KMT2E: variants seen among roughly 807,000 people sequenced by gnomAD.
The protein encoded by KMT2E is histone reader KMT2E.
In KMT2E, 30 loss-of-function variants were observed where a neutral mutation model predicts 184.6. That is an observed-to-expected ratio of 0.16 (90% confidence interval 0.12 to 0.22). KMT2E has a LOEUF of 0.22. Among genes scored for constraint, KMT2E ranks in the 10% least tolerant of loss-of-function variants. The probability of loss-of-function intolerance (pLI) is 1.00; values close to 1 mark genes in which losing one functional copy is unlikely to be tolerated. For missense variants in KMT2E, 2,023 were observed against 2,237.4 expected, an observed-to-expected ratio of 0.90 and a Z score of 1.93; for synonymous variants, 815 against 776.5, an observed-to-expected ratio of 1.05 and a Z score of -0.82.
At chr7:105,061,954 T>A (rs944974556) in intron 3 of KMT2E, 3 of 382,764 alleles carry the variant, frequency 7.8e-6, no homozygotes, top group African/African-American at 6.2e-5. Flanking sequence ...TGAAATTGGA[T>A]TGGGACATTT....
At chr7:105,014,941 A>G (rs969400637) in intron 1 of KMT2E, among the ~76,000 whole-genome samples, 107 of 152,224 alleles carry the variant, frequency 7.0e-4, no homozygotes, top group African/African-American at 2.4e-3. Flanking sequence ...CGTCTTGTTC[A>G]GGTGCTGAAA....
intron 1 of KMT2E, among the ~76,000 whole-genome samples, chr7:105,021,456 T>G (rs903514031): frequency 1.3e-5 from 2 of 152,226 alleles, no homozygotes; most frequent in African/African-American, 4.8e-5. Flanking sequence ...GCCTGCTGTT[T>G]TAGAGTTTTT....
intron 13 of KMT2E, among the ~76,000 whole-genome samples, chr7:105,086,286 C>G (rs1048400297): frequency 8.5e-5 from 13 of 152,140 alleles, no homozygotes; most frequent in Admixed American, 7.9e-4. Flanking sequence ...CATGTTCTCT[C>G]CATGGTAGGG....
At chr7:105,075,171 T>G (rs1187063126) in intron 8 of KMT2E, among the ~76,000 whole-genome samples, 1 of 151,662 alleles carries the variant, frequency 6.6e-6, no homozygotes, top group Non-Finnish European at 1.5e-5. Flanking sequence ...ATGTTTTACA[T>G]AACGGTTCTT....
At chr7:105,110,235 C>T in intron 23 of KMT2E, 45 bp from the exon 24 acceptor site, 1 of 1,421,882 alleles carries the variant, frequency 7.0e-7, no homozygotes, top group Non-Finnish European at 9.9e-7. Flanking sequence ...ATGTAACTAG[C>T]AGTAGTTTCT....
At chr7:105,080,252 T>C (rs1444904123) in intron 12 of KMT2E, among the ~76,000 whole-genome samples, 1 of 152,242 alleles carries the variant, frequency 6.6e-6, no homozygotes, top group African/African-American at 2.4e-5. Context: ...AGATTTTGTA[T>C]GTTCTACTGT....
rs145079476 is a variant in KMT2E at position 105,089,866 on chromosome 7, A to G, written c.1359-143A>G. On this transcript the variant is annotated intron_variant, in intron 13 of 26. Coordinates refer to ENST00000311117, the MANE Select transcript of KMT2E (RefSeq NM_182931.3). ...AAAAAATTTTTTGTGGTAGTTAACT[A>G]GGAATGTAAATTACTAAAAAGGATT... The G allele has an allele frequency of 7.5e-6, 9 of 1,206,922 alleles. No homozygotes were observed. The Admixed American group carries it at 2.3e-4, about 30-fold the overall frequency. 74.8% of individuals were successfully genotyped at this position (1,206,922 alleles called of 1,614,324 possible). A position where few individuals can be genotyped will look rare whatever the true frequency, so the allele number is the denominator to read the frequency against.
At chr7:105,048,402 A>G (rs952790441) in intron 3 of KMT2E, among the ~76,000 whole-genome samples, 1 of 152,106 alleles carries the variant, frequency 6.6e-6, no homozygotes, top group South Asian at 2.1e-4. Context: ...GAAGGATTAA[A>G]TACTGAGTTT....
At chr7:105,050,485 T>C (rs923668964) in intron 3 of KMT2E, among the ~76,000 whole-genome samples, 2 of 152,150 alleles carry the variant, frequency 1.3e-5, no homozygotes, top group African/African-American at 4.8e-5. Context: ...CCTCAATTTT[T>C]TATGTCCAGT....
At chr7:105,083,819 T>C (rs1776435101) in intron 13 of KMT2E, among the ~76,000 whole-genome samples, 1 of 152,240 alleles carries the variant, frequency 6.6e-6, no homozygotes, top group Non-Finnish European at 1.5e-5. Flanking sequence ...AGAACTCATC[T>C]GCTGCCTCTT....
intron 3 of KMT2E, among the ~76,000 whole-genome samples, chr7:105,053,557 T>C (rs961236436): frequency 6.6e-6 from 1 of 152,174 alleles, no homozygotes; most frequent in African/African-American, 2.4e-5. Context: ...TAATGTGCTA[T>C]AGATCAAAGA....
At chr7:105,037,072 A>C (rs1423388848) in intron 1 of KMT2E, among the ~76,000 whole-genome samples, 1 of 152,188 alleles carries the variant, frequency 6.6e-6, no homozygotes, top group Non-Finnish European at 1.5e-5. Flanking sequence ...TGTCTCCTCA[A>C]AATTTCTTTC....
chr7:105,032,958 T>G (rs1795488388), intron 1 of KMT2E, among the ~76,000 whole-genome samples: 1 of 152,240 alleles, frequency 6.6e-6, no homozygotes, highest in Non-Finnish European at 1.5e-5. Context: ...GCATTTTCTT[T>G]TAGCTATTGA....
rs555373844 is a variant in KMT2E at position 105,113,361 on chromosome 7, T to A, written c.*28T>A. 3.8e-6 allele frequency: 6 copies of A among 1,586,048 alleles called. No homozygotes were observed. In the South Asian group the frequency reaches 6.8e-5, roughly 18 times the overall value. On this transcript the variant is annotated 3_prime_UTR_variant, in exon 27 of 27. Coordinates refer to ENST00000311117, the MANE Select transcript of KMT2E (RefSeq NM_182931.3). ...TGGACTCCAAAAACATTTTTTTAAA[T>A]GTTCTGTAAGATAAACTGTATATTT...
At chr7:105,014,651 A>T (rs1208581293) in intron 1 of KMT2E, 116 bp downstream of exon 1, 1 of 150,830 alleles carries the variant, frequency 6.6e-6, no homozygotes. Context: ...GCCGACGTTG[A>T]CTCTCAGGTG....
intron 3 of KMT2E, 43 bp downstream of exon 3, chr7:105,041,066 ACCCTTCTGG>A: frequency 8.6e-7 from 1 of 1,156,668 alleles, no homozygotes; most frequent in Non-Finnish European, 1.2e-6. Context: ...AAAAAAAAAA[ACCCTTCTGG>A]AGCTAGAAAG....
intron 6 of KMT2E, among the ~76,000 whole-genome samples, chr7:105,068,623 G>GTT (rs1562904316): frequency 1.5e-5 from 2 of 134,860 alleles, no homozygotes; most frequent in African/African-American, 6.2e-5. Context: ...GACTAGTTGT[G>GTT]GTTTTTTTTT....
intron 20 of KMT2E, 110 bp downstream of exon 20, chr7:105,106,882 A>T: frequency 1.8e-6 from 2 of 1,109,722 alleles, no homozygotes; most frequent in Non-Finnish European, 2.6e-6. Context: ...TACAAAAAAA[A>T]GGTTGTAAGA....
intron 1 of KMT2E, among the ~76,000 whole-genome samples, chr7:105,027,488 G>C (rs1473386179): frequency 6.6e-6 from 1 of 152,080 alleles, no homozygotes; most frequent in Non-Finnish European, 1.5e-5. Context: ...GAGATTGTGT[G>C]CTTTTTTTGA....
Sources: allele counts gnomAD v4.1 joint callset (sites outside exome capture counted in the v4.1 genomes callset), GRCh38; gene constraint gnomAD v4.1.1; transcripts MANE v1.5; gene names NCBI Gene and HGNC (gene_info 2026-07-23, HGNC 2026-07-21).